Variants in KCNIP4 observed in about 807,000 individuals in gnomAD.
KCNIP4 encodes the protein potassium voltage-gated channel interacting protein 4.
KCNIP4 carries 12 observed loss-of-function variants against 34.0 expected under a neutral mutation model. The observed-to-expected ratio is 0.35, with a 90% CI of 0.23 to 0.57. KCNIP4 has a LOEUF of 0.57. KCNIP4 is among the 20% of genes least tolerant of loss of function. The pLI, the probability that KCNIP4 is intolerant of heterozygous loss-of-function variation, is 0.83. For synonymous variants in KCNIP4, 124 were observed against 102.2 expected (o/e 1.21, Z -1.29); for missense variants, 238 against 311.7 (o/e 0.76, Z 1.78).
chr4:21,384,927 A>G (rs931738802), intron 1 of KCNIP4, among the ~76,000 whole-genome samples: 1 of 152,178 alleles, frequency 6.6e-6, no homozygotes, highest in Non-Finnish European at 1.5e-5. Context: ...ATTTACACTG[A>G]TATACTAAGC....
chr4:21,254,672 T>C (rs1227669636), intron 1 of KCNIP4, among the ~76,000 whole-genome samples: 2 of 152,172 alleles, frequency 1.3e-5, no homozygotes, highest in Non-Finnish European at 2.9e-5. Context: ...GTATCCATTA[T>C]CTCTTTTAAG....
intron 1 of KCNIP4, chr4:20,984,085 G>C (rs1221984843): frequency 8.6e-7 from 1 of 1,158,254 alleles, no homozygotes; most frequent in African/African-American, 1.6e-5. Flanking sequence ...GCCCCCCGGG[G>C]TGAGGACAGA....
chr4:21,460,794 A>G (rs1373921754), intron 1 of KCNIP4, among the ~76,000 whole-genome samples: 2 of 151,904 alleles, frequency 1.3e-5, no homozygotes, highest in Non-Finnish European at 2.9e-5. Context: ...CTCCTGGGGG[A>G]GGTCTGGGCA....
At chr4:21,166,796 G>A (rs966802689) in intron 1 of KCNIP4, among the ~76,000 whole-genome samples, 9 of 151,906 alleles carry the variant, frequency 5.9e-5, no homozygotes, top group African/African-American at 9.7e-5. Flanking sequence ...AAAATTAGCC[G>A]GGTGTAGTGG....
chr4:21,257,218 A>C (rs1761118989), intron 1 of KCNIP4, among the ~76,000 whole-genome samples: 2 of 152,158 alleles, frequency 1.3e-5, no homozygotes, highest in South Asian at 4.1e-4. Context: ...CAAGAGTTCC[A>C]CTTTTGGCAT....
intron 3 of KCNIP4, among the ~76,000 whole-genome samples, chr4:20,805,086 C>G (rs537781085): frequency 2.5e-4 from 37 of 150,724 alleles, no homozygotes; most frequent in African/African-American, 8.5e-4. Flanking sequence ...CAGGTAAAAT[C>G]CATTTAGCTC....
chr4:21,917,175 C>T (rs1728678428), intron 1 of KCNIP4, among the ~76,000 whole-genome samples: 2 of 152,082 alleles, frequency 1.3e-5, no homozygotes, highest in Non-Finnish European at 1.5e-5. Context: ...CGCACTGTCG[C>T]CCAGGCTGGA....
At chr4:21,359,181 G>A (rs1302099706) in intron 1 of KCNIP4, among the ~76,000 whole-genome samples, 2 of 151,994 alleles carry the variant, frequency 1.3e-5, no homozygotes, top group Non-Finnish European at 2.9e-5. Flanking sequence ...GGCCTGAGTG[G>A]AACAAAAGGT....
chr4:20,741,329 C>T (rs1299223054), intron 5 of KCNIP4, among the ~76,000 whole-genome samples: 1 of 152,212 alleles, frequency 6.6e-6, no homozygotes, highest in Non-Finnish European at 1.5e-5. Context: ...AAGTAAAGCA[C>T]TCCTCAGCAA....
intron 1 of KCNIP4, among the ~76,000 whole-genome samples, chr4:21,300,347 G>T (rs1489410473): frequency 1.3e-5 from 2 of 152,054 alleles, no homozygotes; most frequent in Non-Finnish European, 2.9e-5. Context: ...GCATAATTCT[G>T]GAGCCTCCTA....
chr4:20,732,656 T>C (rs1253533156), intron 7 of KCNIP4, 25 bp downstream of exon 7: 9 of 1,485,144 alleles, frequency 6.1e-6, no homozygotes, highest in African/African-American at 1.4e-5. Context: ...CTTCATGCCC[T>C]CTTGACTTCT....
At chr4:21,756,154 T>C (rs914279763) in intron 1 of KCNIP4, among the ~76,000 whole-genome samples, 3 of 152,218 alleles carry the variant, frequency 2.0e-5, no homozygotes, top group Admixed American at 6.5e-5. Context: ...CCTAAAGAAA[T>C]GCAGATACAT....
In KCNIP4 at chr4:21,542,540, T is replaced by C. The variant is rs1385973919; in HGVS notation, c.61+406031A>G. Among the ~76,000 whole-genome samples the C allele has an allele frequency of 9.9e-5, 15 of 152,082 alleles. No homozygotes were observed. The South Asian group carries it at 1.0e-3, about 11-fold the overall frequency. ...TTAGGACGTTATGAAATTACCTTTA[T>C]TGATATTTATAAAGCAAGTTATTAA... On this transcript the variant is annotated intron_variant, in intron 1 of 8. Transcript: ENST00000382152.
intron 5 of KCNIP4, among the ~76,000 whole-genome samples, chr4:20,736,460 G>C (rs1749651517): frequency 6.6e-6 from 1 of 152,024 alleles, no homozygotes. Context: ...ATTTCTGTAT[G>C]ATAATTTTAT....
intron 1 of KCNIP4, among the ~76,000 whole-genome samples, chr4:21,072,966 T>C (rs1049054280): frequency 3.9e-5 from 6 of 152,248 alleles, no homozygotes; most frequent in Non-Finnish European, 8.8e-5. Flanking sequence ...AGATGTGTGG[T>C]ATTCTTTCTG....
chr4:21,411,830 C>A (rs919205864), intron 1 of KCNIP4, among the ~76,000 whole-genome samples: 4 of 152,018 alleles, frequency 2.6e-5, no homozygotes, highest in African/African-American at 9.7e-5. Flanking sequence ...AGAGCAAGAT[C>A]CCGTCTCAAA....
intron 1 of KCNIP4, among the ~76,000 whole-genome samples, chr4:21,775,025 A>G (rs59714893): frequency 0.15 from 22,316 of 151,776 alleles, 5,509 homozygotes; most frequent in African/African-American, 0.51. Flanking sequence ...GAGAGGAGCC[A>G]TTTTGTCCTT....
rs114154371 is a variant in KCNIP4, at chr4:21,764,397, G to A, written c.61+184174C>T. ...AAGTCCAACCAGAAAGTTCATAAATGAGCTAGTTCAACTTGGAGAGAAAGT... is the reference window on the plus strand; with the variant it reads ...AAGTCCAACCAGAAAGTTCATAAATAAGCTAGTTCAACTTGGAGAGAAAGT... On this transcript the variant is annotated intron_variant, in intron 1 of 8. Coordinates refer to ENST00000382152, the MANE Select transcript of KCNIP4 (RefSeq NM_025221.6). 3.3e-3 allele frequency among the ~76,000 whole-genome samples: 498 copies of A among 152,242 alleles called. 2 individuals are homozygous for A. The highest frequency in any genetic ancestry group is 0.011 in the African/African-American group (467 of 41,560).
At chr4:20,948,124 C>T (rs541901091) in intron 1 of KCNIP4, among the ~76,000 whole-genome samples, 3 of 152,300 alleles carry the variant, frequency 2.0e-5, no homozygotes, top group Admixed American at 2.0e-4. Context: ...CACCAGAATT[C>T]CAGAAGCAGC....
Sources: gnomAD v4.1 joint callset for allele counts (sites outside exome capture counted in the v4.1 genomes callset) on GRCh38, gnomAD v4.1.1 for gene constraint, MANE v1.5 for transcripts, NCBI Gene and HGNC (gene_info 2026-07-23, HGNC 2026-07-21) for gene names.